ZC3H11A: variants seen among roughly 807,000 people sequenced by gnomAD.
ZC3H11A encodes the protein zinc finger CCCH-type containing 11A.
A neutral mutation model predicts 90.8 loss-of-function variants in ZC3H11A; 22 were observed. The observed-to-expected ratio is 0.24, with a 90% CI of 0.17 to 0.35. ZC3H11A has a LOEUF of 0.35. ZC3H11A is among the 10% of genes least tolerant of loss of function. ZC3H11A has a pLI of 1.00. For missense variants in ZC3H11A, 701 were observed against 964.9 expected, an observed-to-expected ratio of 0.73 and a Z score of 3.62; for synonymous variants, 294 against 339.8, an observed-to-expected ratio of 0.87 and a Z score of 1.48.
chr1:203,805,089 A>G (rs1351557052), intron 2 of ZC3H11A, among the ~76,000 whole-genome samples: 1 of 151,932 alleles, frequency 6.6e-6, no homozygotes, highest in African/African-American at 2.4e-5. Flanking sequence ...TGATTTCAAG[A>G]TGTAGTATTA....
intron 16 of ZC3H11A, 137 bp from the exon 17 acceptor site, chr1:203,850,920 C>T: frequency 8.1e-7 from 1 of 1,229,916 alleles, no homozygotes. Flanking sequence ...ATATACTCAA[C>T]CTTTAGATTA....
At chr1:203,850,970 A>G in intron 16 of ZC3H11A, 87 bp from the exon 17 acceptor site, 2 of 1,464,502 alleles carry the variant, frequency 1.4e-6, no homozygotes, top group Non-Finnish European at 1.9e-6. Flanking sequence ...TCATAGCCAC[A>G]ATTCTAAGAA....
intron 1 of ZC3H11A, chr1:203,796,612 G>A: frequency 2.5e-6 from 1 of 396,202 alleles, no homozygotes; most frequent in Non-Finnish European, 4.4e-6. Context: ...GTAAATGTAT[G>A]TAGGTATTGG....
At chr1:203,806,308 C>CTT (rs201752688) in intron 2 of ZC3H11A, 40 of 212,022 alleles carry the variant, frequency 1.9e-4, no homozygotes, top group South Asian at 5.2e-4. Context: ...TTTCTTTTTC[C>CTT]TTTTTTTTTT....
At position 203,850,634 on chromosome 1, in the gene ZC3H11A, A is replaced by C. The variant is rs776800582; in HGVS notation, c.2059A>C (p.Ser687Arg). The C allele has an allele frequency of 2.5e-6, 4 of 1,614,182 alleles. No individual in the cohort carries two copies. The highest frequency in any genetic ancestry group is 2.5e-6 in the Non-Finnish European group (3 of 1,180,034). The change falls in exon 16 of 18, where the codon AGC becomes CGC. Residue 687 changes from serine (S) to arginine (R), a missense_variant. By Grantham distance (110) the Ser-to-Arg change is moderately radical. Around this residue, in one of 4 missense-constraint regions of ZC3H11A, gnomAD observed 530 missense variants for 696.2 expected, o/e 0.76. Coordinates refer to ENST00000367210, the MANE Select transcript of ZC3H11A (RefSeq NM_001376342.1). ...AAVIAAVKPL[S>R]SSSVLQEPPA... ...TGTCATTGCCGCTGTGAAGCCACTC[A>C]GCTCCAGCAGTGTCCTACAGGAACC...
chr1:203,841,727 C>T (rs1686284464), intron 12 of ZC3H11A, among the ~76,000 whole-genome samples: 1 of 151,588 alleles, frequency 6.6e-6, no homozygotes, highest in Non-Finnish European at 1.5e-5. Flanking sequence ...CCAGATAGGG[C>T]GGCCGGGCAG....
intron 4 of ZC3H11A, among the ~76,000 whole-genome samples, chr1:203,820,794 A>AT (rs1370560547): frequency 6.6e-6 from 1 of 152,040 alleles, no homozygotes; most frequent in Non-Finnish European, 1.5e-5. Context: ...TTTTTGTTGC[A>AT]TATCATCCCG....
chr1:203,822,443 C>T (rs375723029), intron 4 of ZC3H11A, among the ~76,000 whole-genome samples: 62 of 152,022 alleles, frequency 4.1e-4, no homozygotes, highest in African/African-American at 1.4e-3. Context: ...CAACACGATC[C>T]CTATAATGGA....
At chr1:203,851,545 G>T (rs1689259998) in intron 17 of ZC3H11A, among the ~76,000 whole-genome samples, 1 of 152,076 alleles carries the variant, frequency 6.6e-6, no homozygotes, top group South Asian at 2.1e-4. Flanking sequence ...GTCCAGGGTG[G>T]TCTCAAACTC....
At chr1:203,800,392 C>T (rs1387633508) in intron 1 of ZC3H11A, 6 of 1,055,312 alleles carry the variant, frequency 5.7e-6, no homozygotes, top group East Asian at 2.6e-5. Context: ...GATTATTCTA[C>T]GTTGGTTCTG....
At chr1:203,813,392 G>A (rs1675185795) in intron 2 of ZC3H11A, among the ~76,000 whole-genome samples, 1 of 151,882 alleles carries the variant, frequency 6.6e-6, no homozygotes, top group Non-Finnish European at 1.5e-5. Flanking sequence ...GGTTTTTATT[G>A]AAAACCAATT....
At chr1:203,847,011 A>T (rs1365186880) in intron 12 of ZC3H11A, among the ~76,000 whole-genome samples, 173 bp from the exon 13 acceptor site, 3 of 152,082 alleles carry the variant, frequency 2.0e-5, no homozygotes, top group Admixed American at 1.3e-4. Context: ...TCTTAAAAAA[A>T]AAAAGAAAAA....
chr1:203,818,883 C>T lies in ZC3H11A; in HGVS notation c.174+194C>T, dbSNP rs551986902. ...AGGAGATTGAGACCATCCTAGCCAA[C>T]GTGGTGAAACCCCATCTCTACTAAA... On this transcript the variant is annotated intron_variant, in intron 4 of 17. Transcript: ENST00000367210. Among the ~76,000 whole-genome samples, 76 of 151,668 alleles carry T rather than the reference C, an allele frequency of 5.0e-4. 1 individual carries two copies. The highest frequency in any genetic ancestry group is 1.5e-3 in the Admixed American group (23 of 15,202).
chr1:203,800,801 A>G (rs1670333127), intron 1 of ZC3H11A: 2 of 169,572 alleles, frequency 1.2e-5, no homozygotes, highest in South Asian at 2.0e-4. Flanking sequence ...TTCCCCCACC[A>G]TGGGAAATTT....
chr1:203,838,138 G>T, intron 11 of ZC3H11A, 74 bp downstream of exon 11: 1 of 1,384,128 alleles, frequency 7.2e-7, no homozygotes, highest in African/African-American at 1.4e-5. Flanking sequence ...AACAGCTATG[G>T]TTTTTCATTC....
At chr1:203,799,956 A>G (rs1670028404) in intron 1 of ZC3H11A, 2 of 1,536,118 alleles carry the variant, frequency 1.3e-6, no homozygotes, top group Non-Finnish European at 8.7e-7. Flanking sequence ...GATCTGCCAA[A>G]TTCCAACTTC....
chr1:203,834,742 T>G (rs1683686792), intron 10 of ZC3H11A, among the ~76,000 whole-genome samples: 1 of 152,184 alleles, frequency 6.6e-6, no homozygotes, highest in Admixed American at 6.5e-5. Flanking sequence ...CTCCACCTCC[T>G]GGGTTCAAGT....
intron 3 of ZC3H11A, among the ~76,000 whole-genome samples, chr1:203,817,452 A>G (rs1347094781): frequency 6.7e-6 from 1 of 150,182 alleles, no homozygotes; most frequent in African/African-American, 2.4e-5. Flanking sequence ...TTGATTTTAT[A>G]TACTTCATAT....
chr1:203,815,210 T>C (rs1675864553), intron 2 of ZC3H11A, among the ~76,000 whole-genome samples: 1 of 63,152 alleles, frequency 1.6e-5, no homozygotes, highest in African/African-American at 5.7e-5. Flanking sequence ...TTCTTCCTTT[T>C]CTTTTCTTTT....
Sources: allele counts gnomAD v4.1 joint callset (sites outside exome capture counted in the v4.1 genomes callset), GRCh38; gene constraint gnomAD v4.1.1; regional missense constraint gnomAD v4.1.1; transcripts MANE v1.5; gene names NCBI Gene and HGNC (gene_info 2026-07-23, HGNC 2026-07-21).